Variants in AGBL4 observed in about 807,000 individuals in gnomAD.
AGBL4 encodes the protein cytosolic carboxypeptidase 6.
In AGBL4, 58 loss-of-function variants were observed where a neutral mutation model predicts 66.4. The observed-to-expected ratio is 0.87, with a 90% CI of 0.71 to 1.09. The LOEUF (loss-of-function observed/expected upper bound fraction) is 1.09. Among genes scored for constraint, AGBL4 ranks in the 50% least tolerant of loss-of-function variants. AGBL4 has a pLI of 0.00. For missense variants in AGBL4, 579 were observed against 631.0 expected (o/e 0.92, Z 0.88); for synonymous variants, 234 against 222.9 (o/e 1.05, Z -0.44).
At chr1:49,459,298 T>C (rs1646459628) in intron 3 of AGBL4, among the ~76,000 whole-genome samples, 1 of 151,742 alleles carries the variant, frequency 6.6e-6, no homozygotes, top group Non-Finnish European at 1.5e-5. Flanking sequence ...AATTGGTCTA[T>C]TCAGAGTTTC....
intron 5 of AGBL4, among the ~76,000 whole-genome samples, chr1:48,944,485 A>G (rs1656289210): frequency 6.6e-6 from 1 of 152,186 alleles, no homozygotes; most frequent in South Asian, 2.1e-4. Context: ...TATAAATGAC[A>G]TGGTCAAACT....
chr1:49,203,943 A>G (rs1237883327), intron 4 of AGBL4, among the ~76,000 whole-genome samples: 1 of 152,220 alleles, frequency 6.6e-6, no homozygotes, highest in Non-Finnish European at 1.5e-5. Context: ...GCTTTTTGTC[A>G]CACTAAAGAT....
At chr1:49,843,862 G>A (rs1043887591) in intron 2 of AGBL4, among the ~76,000 whole-genome samples, 1 of 152,180 alleles carries the variant, frequency 6.6e-6, no homozygotes, top group Non-Finnish European at 1.5e-5. Flanking sequence ...GGTAGGGGCA[G>A]CATGCACCCA....
intron 11 of AGBL4, among the ~76,000 whole-genome samples, chr1:48,547,067 T>C (rs1158423248): frequency 6.6e-6 from 1 of 151,808 alleles, no homozygotes; most frequent in Non-Finnish European, 1.5e-5. Flanking sequence ...GGTCCTCGGG[T>C]GAGAGACGGA....
chr1:49,747,900 A>G (rs79955581), intron 2 of AGBL4, among the ~76,000 whole-genome samples: 1,648 of 152,060 alleles, frequency 0.011, 26 homozygotes, highest in African/African-American at 0.038. Context: ...TGTATTTGAC[A>G]GGGTTATCCA....
chr1:48,980,825 A>ATG (rs1444029808), intron 5 of AGBL4, among the ~76,000 whole-genome samples: 1 of 144,284 alleles, frequency 6.9e-6, no homozygotes, highest in Non-Finnish European at 1.5e-5. Flanking sequence ...TAACCACTCT[A>ATG]TGTTTGAACT....
intron 1 of AGBL4, among the ~76,000 whole-genome samples, chr1:49,913,836 A>T (rs1226683673): frequency 1.3e-5 from 2 of 152,218 alleles, no homozygotes; most frequent in African/African-American, 2.4e-5. Context: ...TTGAGCCACA[A>T]CTAGGACAGC....
At chr1:49,305,101 G>C (rs899831255) in intron 3 of AGBL4, among the ~76,000 whole-genome samples, 8 of 152,184 alleles carry the variant, frequency 5.3e-5, no homozygotes, top group African/African-American at 1.9e-4. Context: ...TTAAGTAGCA[G>C]AGCTGATACA....
At chr1:49,388,598 T>C (rs1016583250) in intron 3 of AGBL4, among the ~76,000 whole-genome samples, 5 of 152,174 alleles carry the variant, frequency 3.3e-5, no homozygotes, top group Admixed American at 3.3e-4. Context: ...TATCCTATGA[T>C]TCTTGATTAA....
At position 48,984,809 on chromosome 1, in the gene AGBL4, A is replaced by G. The variant is rs533366959; in HGVS notation, c.594+60775T>C. Among the ~76,000 whole-genome samples the G allele has an allele frequency of 2.6e-5, 4 of 151,902 alleles. No homozygotes were observed. The South Asian group carries it at 8.3e-4, about 32-fold the overall frequency. The stretch of plus-strand genomic sequence containing the variant: ...ATGCCTGAACTGTGCCTGGAAATAT[A>G]GTAAGAGTTAGTAAAAAGAAGGAGA... On this transcript the variant is annotated intron_variant, in intron 5 of 13. Coordinates refer to ENST00000371839, the MANE Select transcript of AGBL4 (RefSeq NM_032785.4).
At chr1:48,759,530 C>A (rs771432898) in intron 6 of AGBL4, among the ~76,000 whole-genome samples, 1 of 152,190 alleles carries the variant, frequency 6.6e-6, no homozygotes, top group Non-Finnish European at 1.5e-5. Context: ...CACTGGTTTC[C>A]CAGGCCTGCA....
At chr1:48,562,201 G>T in intron 11 of AGBL4, among the ~76,000 whole-genome samples, 1 of 152,090 alleles carries the variant, frequency 6.6e-6, no homozygotes, top group East Asian at 1.9e-4. Flanking sequence ...CTATATTCTT[G>T]GCTCTGCTGT....
chr1:48,855,738 C>A (rs1647134173), intron 6 of AGBL4, among the ~76,000 whole-genome samples: 1 of 151,144 alleles, frequency 6.6e-6, no homozygotes, highest in African/African-American at 2.4e-5. Flanking sequence ...TAACATAATG[C>A]ACAACAATAG....
chr1:49,577,290 C>G (rs537475900), intron 3 of AGBL4, among the ~76,000 whole-genome samples: 2 of 152,314 alleles, frequency 1.3e-5, no homozygotes, highest in South Asian at 4.1e-4. Flanking sequence ...CCCATGTCAT[C>G]GCCCAATGGG....
At chr1:48,760,619 C>A (rs182473425) in intron 6 of AGBL4, among the ~76,000 whole-genome samples, 176 of 152,260 alleles carry the variant, frequency 1.2e-3, no homozygotes, top group African/African-American at 4.1e-3. Flanking sequence ...CAGGGCCAGG[C>A]GCATAGCAGG....
intron 5 of AGBL4, among the ~76,000 whole-genome samples, chr1:49,008,107 T>A (rs1226170468): frequency 2.0e-5 from 3 of 152,022 alleles, no homozygotes; most frequent in Non-Finnish European, 2.9e-5. Context: ...TCAAGACCCA[T>A]CAGTGTGCTG....
At chr1:49,697,977 A>T (rs570011516) in intron 2 of AGBL4, among the ~76,000 whole-genome samples, 1 of 152,304 alleles carries the variant, frequency 6.6e-6, no homozygotes, top group Admixed American at 6.5e-5. Flanking sequence ...AGTAATTGCT[A>T]CATAAGAATA....
At chr1:48,590,321 G>A (rs1436834838) in intron 10 of AGBL4, among the ~76,000 whole-genome samples, 7 of 149,926 alleles carry the variant, frequency 4.7e-5, no homozygotes, top group Admixed American at 4.0e-4. Context: ...CAGGAGAATC[G>A]CTTGAACCTG....
chr1:48,618,635 A>G (rs990616628), intron 9 of AGBL4, among the ~76,000 whole-genome samples: 2 of 152,214 alleles, frequency 1.3e-5, no homozygotes, highest in African/African-American at 4.8e-5. Context: ...AAAGTAGCCA[A>G]GTTGGGGATG....
Sources: gnomAD v4.1 joint callset for allele counts (sites outside exome capture counted in the v4.1 genomes callset) on GRCh38, gnomAD v4.1.1 for gene constraint, MANE v1.5 for transcripts, NCBI Gene and HGNC (gene_info 2026-07-23, HGNC 2026-07-21) for gene names.